The following PARD3 variants were observed in gnomAD, a reference collection of about 807,000 sequenced individuals.
The protein encoded by PARD3 is partitioning defective 3 homolog.
In PARD3, 75 loss-of-function variants were observed where a neutral mutation model predicts 155.4. The observed-to-expected ratio is 0.48, with a 90% CI of 0.40 to 0.58. The LOEUF is 0.58. Ranked by LOEUF, PARD3 falls within the 20% of genes least tolerant of loss-of-function variation. The pLI is 0.00. For synonymous variants in PARD3, 576 were observed against 610.5 expected (o/e 0.94, Z 0.83); for missense variants, 1,642 against 1,721.7 (o/e 0.95, Z 0.82).
At position 34,696,336 on chromosome 10, in the gene PARD3, T is replaced by C; in HGVS notation, c.204A>G (p.Val68=). The C allele has an allele frequency of 6.2e-7, 1 of 1,607,340 alleles. No homozygotes were observed. Among genetic ancestry groups the C allele is most frequent in the Non-Finnish European group, 8.5e-7 (1 of 1,173,876 alleles). ...ILDLDDILCD[V]ADDKDRLVAV... ...AACTCACTCTGTCTTTATCGTCTGC[T>C]ACATCACAAAGAATGTCATCAAGGT... The change falls in exon 2 of 25, where the codon GTA becomes GTG. Residue 68 remains valine, a synonymous_variant. Transcript: ENST00000374788.
At chr10:34,658,373 A>G (rs1427141575) in intron 2 of PARD3, among the ~76,000 whole-genome samples, 1 of 152,024 alleles carries the variant, frequency 6.6e-6, no homozygotes, top group Non-Finnish European at 1.5e-5. Flanking sequence ...ACAAATCACA[A>G]AACAAATCCT....
chr10:34,160,325 C>T (rs372620734), intron 22 of PARD3, among the ~76,000 whole-genome samples: 55 of 152,322 alleles, frequency 3.6e-4, no homozygotes, highest in African/African-American at 1.3e-3. Context: ...ACACTGCACA[C>T]TCATGTAGAA....
In PARD3 at chr10:34,110,418, C is replaced by T. The variant is rs1946338448; in HGVS notation, c.*751G>A. The T allele has an allele frequency of 6.6e-6, 1 of 152,264 alleles. No homozygotes were observed. The highest frequency in any genetic ancestry group is 2.1e-4 in the South Asian group (1 of 4,824). The allele number at this position is 152,264 out of a possible 1,614,324, so 9.4% of individuals were successfully genotyped here. ...GCCCAGCTTCCCCCGGCAGGAGCCA[C>T]TCCTGTCTCCCACGTTCCCCACACA... On this transcript the variant is annotated 3_prime_UTR_variant, in exon 25 of 25. Transcript: ENST00000374788.
At chr10:34,294,568 A>T (rs1366590428) in intron 20 of PARD3, among the ~76,000 whole-genome samples, 1 of 152,210 alleles carries the variant, frequency 6.6e-6, no homozygotes, top group African/African-American at 2.4e-5. Context: ...TTTGATTCAC[A>T]TTTCTTAGCG....
rs1002057400 is a variant in PARD3, at chr10:34,548,196, A to T, written c.223-31037T>A. On this transcript the variant is annotated intron_variant, in intron 2 of 24. Coordinates refer to ENST00000374788, the MANE Select transcript of PARD3 (RefSeq NM_001184785.2). ...TACAGAAGTTTCTCCACTGTTTAAA[A>T]TAGTATGGGCAGGCGGGCGTGGTGG... 6.6e-5 allele frequency among the ~76,000 whole-genome samples: 10 copies of T among 152,308 alleles called. No homozygotes were observed. In the East Asian group the frequency reaches 1.9e-3, roughly 29 times the overall value.
At chr10:34,319,601 T>C (rs1206603150) in intron 19 of PARD3, among the ~76,000 whole-genome samples, 1 of 152,226 alleles carries the variant, frequency 6.6e-6, no homozygotes, top group Non-Finnish European at 1.5e-5. Flanking sequence ...CAAATAATAC[T>C]GAGTTCAGGC....
chr10:34,307,822 A>G (rs1421694085), intron 20 of PARD3, among the ~76,000 whole-genome samples: 1 of 152,122 alleles, frequency 6.6e-6, no homozygotes, highest in African/African-American at 2.4e-5. Flanking sequence ...ACAGCAGGGG[A>G]AAAATGGGTT....
At chr10:34,433,249 A>G (rs559685592) in intron 5 of PARD3, among the ~76,000 whole-genome samples, 52 of 152,342 alleles carry the variant, frequency 3.4e-4, no homozygotes, top group African/African-American at 9.1e-4. Flanking sequence ...GCAAAAACTT[A>G]AAAATTCAAA....
At chr10:34,614,504 G>A (rs2091123098) in intron 2 of PARD3, among the ~76,000 whole-genome samples, 1 of 152,166 alleles carries the variant, frequency 6.6e-6, no homozygotes, top group Non-Finnish European at 1.5e-5. Flanking sequence ...TATCTCATTG[G>A]ACCCAGATCA....
At chr10:34,600,836 G>C (rs945463492) in intron 2 of PARD3, among the ~76,000 whole-genome samples, 3 of 152,030 alleles carry the variant, frequency 2.0e-5, no homozygotes, top group African/African-American at 7.2e-5. Flanking sequence ...GCTCAGGCTG[G>C]AGTGCAGTGG....
At chr10:34,263,441 G>C (rs1955129021) in intron 22 of PARD3, among the ~76,000 whole-genome samples, 1 of 152,000 alleles carries the variant, frequency 6.6e-6, no homozygotes, top group Non-Finnish European at 1.5e-5. Flanking sequence ...TGGATCACTT[G>C]AGCCCAGGAG....
intron 2 of PARD3, among the ~76,000 whole-genome samples, chr10:34,555,301 T>A (rs2084899429): frequency 6.6e-6 from 1 of 152,220 alleles, no homozygotes. Context: ...TCCTTTTTTT[T>A]AAGGCCCTTT....
rs16935734 is a variant in PARD3, at chr10:34,800,904, C to A, written c.120+13972G>T. Among the ~76,000 whole-genome samples, 228 of 152,238 alleles carry A rather than the reference C, an allele frequency of 1.5e-3. No homozygotes were observed. The East Asian group carries it at 0.019, about 12-fold the overall frequency. ...AGAGACTGAGCTGAAAATACCACTC[C>A]CCGGAATCTATAAAGAAAGCAGCTT... is the stretch of plus-strand genomic sequence containing the variant. On this transcript the variant is annotated intron_variant, in intron 1 of 24. Transcript: ENST00000374788.
chr10:34,559,977 T>G (rs2085329830), intron 2 of PARD3, among the ~76,000 whole-genome samples: 2 of 152,314 alleles, frequency 1.3e-5, no homozygotes, highest in African/African-American at 4.8e-5. Context: ...AGTTCTTTTT[T>G]TAAGCCAAAC....
At chr10:34,341,187 A>G (rs1836784384) in intron 16 of PARD3, among the ~76,000 whole-genome samples, 2 of 151,260 alleles carry the variant, frequency 1.3e-5, no homozygotes, top group South Asian at 4.1e-4. Context: ...CACTCTGAAA[A>G]AAAAAAAAAA....
chr10:34,748,473 T>C (rs1007617314), intron 1 of PARD3, among the ~76,000 whole-genome samples: 1 of 151,662 alleles, frequency 6.6e-6, no homozygotes, highest in Non-Finnish European at 1.5e-5. Context: ...CAAGACTCTG[T>C]CTCAAAAAAA....
intron 2 of PARD3, among the ~76,000 whole-genome samples, chr10:34,684,878 T>TACACAC (rs57035644): frequency 0.23 from 31,669 of 137,598 alleles, 4,146 homozygotes; most frequent in Non-Finnish European, 0.31. Flanking sequence ...TACACACACA[T>TACACAC]ACACACACAC....
chr10:34,789,180 A>C (rs1841346474), intron 1 of PARD3, among the ~76,000 whole-genome samples: 1 of 152,158 alleles, frequency 6.6e-6, no homozygotes. Context: ...TAATCCCAGC[A>C]CTACTGGAGG....
chr10:34,157,240 G>C (rs1467674900), intron 22 of PARD3, among the ~76,000 whole-genome samples: 1 of 152,164 alleles, frequency 6.6e-6, no homozygotes, highest in Admixed American at 6.5e-5. Context: ...TCCCTCTGCT[G>C]GCTGAGTCAG....
Sources: gnomAD v4.1 joint callset for allele counts (sites outside exome capture counted in the v4.1 genomes callset) on GRCh38, gnomAD v4.1.1 for gene constraint, MANE v1.5 for transcripts, NCBI Gene and HGNC (gene_info 2026-07-23, HGNC 2026-07-21) for gene names.